GPAT3: variants seen among roughly 807,000 people sequenced by gnomAD.
GPAT3 encodes glycerol-3-phosphate acyltransferase 3.
Under a neutral mutation model 58.8 loss-of-function variants are expected in GPAT3, and 53 were observed. That is an observed-to-expected ratio of 0.90 (90% CI 0.72 to 1.13). GPAT3 has a LOEUF of 1.13. Ranked by LOEUF, GPAT3 falls within the 50% of genes most tolerant of loss-of-function variation. The pLI is 0.00. For synonymous variants in GPAT3, 197 were observed against 187.4 expected (o/e 1.05, Z -0.42); for missense variants, 511 against 527.6 (o/e 0.97, Z 0.31).
chr4:83,595,025 T>A (rs1010694832), intron 7 of GPAT3, 65 bp downstream of exon 7: 70 of 1,427,702 alleles, frequency 4.9e-5, no homozygotes, highest in Non-Finnish European at 6.7e-5. Context: ...TTGGCCTTGC[T>A]ACCAAAGAGG....
intron 2 of GPAT3, among the ~76,000 whole-genome samples, chr4:83,565,369 G>A (rs1189689420): frequency 6.6e-6 from 1 of 152,108 alleles, no homozygotes; most frequent in African/African-American, 2.4e-5. Context: ...CCAAATTGCT[G>A]GGGTTACAGG....
In GPAT3 at chr4:83,604,768, G is replaced by A. The variant is rs369321022; in HGVS notation, c.*1G>A. On this transcript the variant is annotated 3_prime_UTR_variant, in exon 12 of 12. Transcript: ENST00000264409. Reference sequence around the variant, plus strand: ...TGTGGGCAATGGATCTCTCAGCTAAGAGGACGGATGACAGCCTTTAGATCT... The same window carrying A: ...TGTGGGCAATGGATCTCTCAGCTAAAAGGACGGATGACAGCCTTTAGATCT... 4 of 1,612,558 alleles carry A rather than the reference G, an allele frequency of 2.5e-6. No individual in the cohort carries two copies. In the African/African-American group the frequency reaches 4.0e-5, roughly 16 times the overall value.
At chr4:83,567,106 AC>A (rs1725426363) in intron 2 of GPAT3, among the ~76,000 whole-genome samples, 1 of 152,106 alleles carries the variant, frequency 6.6e-6, no homozygotes, top group Non-Finnish European at 1.5e-5. Flanking sequence ...TTCTTATTCA[AC>A]TTTGGTTTGC....
chr4:83,597,610 A>C, intron 9 of GPAT3, 95 bp downstream of exon 9: 1 of 890,920 alleles, frequency 1.1e-6, no homozygotes, highest in African/African-American at 1.7e-5. Context: ...AATTTGCAAG[A>C]ACGAGGAACA....
intron 2 of GPAT3, among the ~76,000 whole-genome samples, chr4:83,544,842 T>C (rs1033157266): frequency 6.6e-6 from 1 of 151,876 alleles, no homozygotes; most frequent in Admixed American, 6.6e-5. Flanking sequence ...TCTAAGGGCA[T>C]GTATTTGAAG....
Position 83,536,293 on chromosome 4 carries a change from C to T in GPAT3, c.-330C>T, listed in dbSNP as rs893579767. On this transcript the variant is annotated 5_prime_UTR_variant, in exon 1 of 12. Coordinates refer to ENST00000264409, the MANE Select transcript of GPAT3 (RefSeq NM_032717.5). The stretch of plus-strand genomic sequence containing the variant: ...GGGTTCCTGGCTGCGCTCGCGCGCT[C>T]TGCCCGCGCCGCGGTGTGCCTCCGC... The T allele has an allele frequency of 9.4e-7, 1 of 1,061,460 alleles. No individual in the cohort carries two copies. Among genetic ancestry groups the T allele is most frequent in the Non-Finnish European group, 1.1e-6 (1 of 879,602 alleles). 65.8% of individuals were successfully genotyped at this position (1,061,460 alleles called of 1,614,324 possible).
At position 83,598,551 on chromosome 4, in the gene GPAT3, CTT is replaced by C. The variant is rs971909549; in HGVS notation, c.1126-92_1126-91del. 7.0e-5 allele frequency: 75 copies of C among 1,074,444 alleles called. No homozygotes were observed. The Admixed American group carries it at 9.7e-4, about 14-fold the overall frequency. The allele number at this position is 1,074,444 out of a possible 1,614,324, so 66.6% of individuals were successfully genotyped here. The stretch of plus-strand genomic sequence containing the variant: ...AAAGCATTTGAGCTGAAATATGAAT[CTT>C]ATATTTTAAAACAAATACAAATGAT... On this transcript the variant is annotated intron_variant, in intron 10 of 11. Coordinates refer to ENST00000264409, the MANE Select transcript of GPAT3 (RefSeq NM_032717.5).
intron 2 of GPAT3, among the ~76,000 whole-genome samples, chr4:83,568,721 A>G (rs1184923205): frequency 1.3e-5 from 2 of 151,986 alleles, no homozygotes; most frequent in Admixed American, 1.3e-4. Context: ...GTTAACCAGG[A>G]TAGGCTCGAT....
chr4:83,603,782 C>T (rs1414751504), intron 11 of GPAT3, among the ~76,000 whole-genome samples: 1 of 120,978 alleles, frequency 8.3e-6, no homozygotes, highest in Non-Finnish European at 1.7e-5. Context: ...AAGAGCAAAA[C>T]TCTGTCTCAA....
chr4:83,598,551 C>T, intron 10 of GPAT3, 93 bp from the exon 11 acceptor site: 1 of 1,074,444 alleles, frequency 9.3e-7, no homozygotes, highest in Non-Finnish European at 1.4e-6. Flanking sequence ...AAATATGAAT[C>T]TTATATTTTA....
At chr4:83,536,842 G>A (rs1324150579) in intron 1 of GPAT3, 79 bp downstream of exon 1, 4 of 1,419,488 alleles carry the variant, frequency 2.8e-6, no homozygotes, top group Non-Finnish European at 3.9e-6. Context: ...AAGGTCAGTG[G>A]TCGCGAGTCA....
intron 2 of GPAT3, among the ~76,000 whole-genome samples, chr4:83,561,877 A>AT (rs1303918979): frequency 6.7e-6 from 1 of 150,246 alleles, no homozygotes; most frequent in Non-Finnish European, 1.5e-5. Flanking sequence ...AGCATCTATC[A>AT]TGTTCTTTAG....
chr4:83,579,062 CTTT>C (rs1560621236), intron 2 of GPAT3, among the ~76,000 whole-genome samples: 642 of 39,692 alleles, frequency 0.016, 49 homozygotes, highest in Admixed American at 0.024. Flanking sequence ...TTCTTTCTTT[CTTT>C]CTTTCTTTCT....
Position 83,605,256 on chromosome 4 carries a change from G to A in GPAT3, c.*489G>A, listed in dbSNP as rs188227794. On this transcript the variant is annotated 3_prime_UTR_variant, in exon 12 of 12. Coordinates refer to ENST00000264409, the MANE Select transcript of GPAT3 (RefSeq NM_032717.5). ...ATGGAGGATTGTATTTAGGAAAAGG[G>A]ACAACTTTGTGGCCACCTGCTCTGA... 10 of 152,492 alleles carry A rather than the reference G, an allele frequency of 6.6e-5. No individual in the cohort carries two copies. The highest frequency in any genetic ancestry group is 2.4e-4 in the African/African-American group (10 of 41,564). The allele number at this position is 152,492 out of a possible 1,614,324, so 9.4% of individuals were successfully genotyped here.
intron 2 of GPAT3, among the ~76,000 whole-genome samples, chr4:83,564,712 A>T (rs1401547488): frequency 6.6e-6 from 1 of 152,132 alleles, no homozygotes; most frequent in Non-Finnish European, 1.5e-5. Flanking sequence ...AAAAGAAAAA[A>T]AAAGGATTAG....
intron 2 of GPAT3, among the ~76,000 whole-genome samples, chr4:83,556,848 A>G (rs888959492): frequency 6.6e-6 from 1 of 152,214 alleles, no homozygotes; most frequent in South Asian, 2.1e-4. Flanking sequence ...TCAGGCTGCT[A>G]TAACAAAATA....
At chr4:83,602,613 TA>T (rs5859883) in intron 11 of GPAT3, among the ~76,000 whole-genome samples, 85,070 of 151,894 alleles carry the variant, frequency 0.56, 24,138 homozygotes, top group Middle Eastern at 0.73. Context: ...TTGAAGTCTC[TA>T]AGGGGTGGCA....
chr4:83,603,738 C>T (rs986106721), intron 11 of GPAT3, among the ~76,000 whole-genome samples: 25 of 139,000 alleles, frequency 1.8e-4, no homozygotes, highest in African/African-American at 6.7e-4. Context: ...TGCGGTGAGC[C>T]AAGATTGTGC....
At chr4:83,536,081 T>C (rs963164452), upstream of GPAT3, 8 of 985,224 alleles carry the variant, frequency 8.1e-6, no homozygotes, top group East Asian at 1.1e-4. Context: ...CGCGCAGAAA[T>C]AGGGCGCTGG....
Sources: allele counts gnomAD v4.1 joint callset (sites outside exome capture counted in the v4.1 genomes callset), GRCh38; gene constraint gnomAD v4.1.1; transcripts MANE v1.5; gene names NCBI Gene and HGNC (gene_info 2026-07-23, HGNC 2026-07-21).